The following ATRNL1 variants were observed in gnomAD, a reference collection of about 807,000 sequenced individuals.
The protein encoded by ATRNL1 is attractin-like protein 1.
In ATRNL1, 95 loss-of-function variants were observed where a neutral mutation model predicts 182.7. That is an observed-to-expected ratio of 0.52 (90% CI 0.44 to 0.62). The LOEUF (loss-of-function observed/expected upper bound fraction) is 0.62. ATRNL1 is among the 20% of genes least tolerant of loss of function. The pLI, the probability that ATRNL1 is intolerant of heterozygous loss-of-function variation, is 0.00. For missense variants in ATRNL1, 1,471 were observed against 1,679.5 expected (o/e 0.88, Z 2.17); for synonymous variants, 576 against 568.3 (o/e 1.01, Z -0.19).
intron 26 of ATRNL1, among the ~76,000 whole-genome samples, chr10:115,593,536 C>G (rs1415763644): frequency 2.0e-5 from 3 of 152,216 alleles, no homozygotes; most frequent in Admixed American, 1.3e-4. Context: ...AAACTGTATG[C>G]CCACATGGAG....
chr10:115,767,443 C>T (rs1460323233), intron 27 of ATRNL1, among the ~76,000 whole-genome samples: 2 of 152,116 alleles, frequency 1.3e-5, no homozygotes, highest in Non-Finnish European at 2.9e-5. Context: ...CATACCACAA[C>T]CAGATTAAAG....
In ATRNL1 at chr10:115,921,167, G is replaced by A. The variant is rs557202650; in HGVS notation, c.4019-23491G>A. 3.3e-5 allele frequency among the ~76,000 whole-genome samples: 5 copies of A among 152,236 alleles called. No individual in the cohort carries two copies. The East Asian group carries it at 9.7e-4, about 29-fold the overall frequency. On this transcript the variant is annotated intron_variant, in intron 28 of 28. Coordinates refer to ENST00000355044, the MANE Select transcript of ATRNL1 (RefSeq NM_207303.4). ...ATAATGCTATTATTTAATCAAAAATGTCAAATACCAGCAATCACACCACCT... is the reference window on the plus strand; with the variant it reads ...ATAATGCTATTATTTAATCAAAAATATCAAATACCAGCAATCACACCACCT...
At chr10:115,231,536 G>A (rs1849952568) in intron 9 of ATRNL1, among the ~76,000 whole-genome samples, 2 of 152,110 alleles carry the variant, frequency 1.3e-5, no homozygotes, top group Non-Finnish European at 1.5e-5. Flanking sequence ...ATATTTTTAA[G>A]TTTGGAGAAA....
intron 27 of ATRNL1, among the ~76,000 whole-genome samples, chr10:115,756,680 G>C (rs782653366): frequency 6.6e-6 from 1 of 152,096 alleles, no homozygotes; most frequent in Non-Finnish European, 1.5e-5. Flanking sequence ...TGTTAGGTCT[G>C]CTTGGTCCAG....
chr10:115,438,681 C>G (rs1328162475), intron 21 of ATRNL1, among the ~76,000 whole-genome samples: 10 of 151,828 alleles, frequency 6.6e-5, no homozygotes, highest in Non-Finnish European at 1.5e-4. Flanking sequence ...GGCTGCTAGA[C>G]CAGTATTGAC....
intron 26 of ATRNL1, among the ~76,000 whole-genome samples, chr10:115,709,760 A>G (rs1555054005): frequency 6.6e-6 from 1 of 151,988 alleles, no homozygotes; most frequent in Non-Finnish European, 1.5e-5. Context: ...AATTATCACA[A>G]TGTTGTTATT....
intron 26 of ATRNL1, among the ~76,000 whole-genome samples, chr10:115,683,065 TTAC>T (rs1480801263): frequency 1.3e-5 from 2 of 151,938 alleles, no homozygotes; most frequent in African/African-American, 4.8e-5. Context: ...CATATTAGCA[TTAC>T]TAAAGTGTTT....
intron 26 of ATRNL1, among the ~76,000 whole-genome samples, chr10:115,605,665 T>C (rs1302787638): frequency 6.6e-6 from 1 of 152,006 alleles, no homozygotes; most frequent in Non-Finnish European, 1.5e-5. Context: ...TATTTTATTA[T>C]ACAACAATGA....
chr10:115,298,534 A>G (rs1306193532), intron 15 of ATRNL1, among the ~76,000 whole-genome samples: 1 of 152,116 alleles, frequency 6.6e-6, no homozygotes, highest in Non-Finnish European at 1.5e-5. Context: ...TGTCATGTGA[A>G]ACACAGTTGT....
At position 115,093,773 on chromosome 10, in the gene ATRNL1, G is replaced by A. The variant is rs530044425; in HGVS notation, c.23G>A (p.Arg8His). 2.1e-6 allele frequency: 3 copies of A among 1,421,332 alleles called. No individual in the cohort carries two copies. Among genetic ancestry groups the A allele is most frequent in the African/African-American group, 3.0e-5 (2 of 66,152 alleles). 88.0% of individuals were successfully genotyped at this position (1,421,332 alleles called of 1,614,324 possible). A position where few individuals can be genotyped will look rare whatever the true frequency, so the allele number is the denominator to read the frequency against. The change falls in exon 1 of 29, where the codon CGC becomes CAC. Residue 8 changes from arginine to histidine, a missense_variant. Around this residue, in one of 3 missense-constraint regions of ATRNL1, gnomAD observed 1,031 missense variants for 1,156.0 expected, o/e 0.89. Coordinates refer to ENST00000355044, the MANE Select transcript of ATRNL1 (RefSeq NM_207303.4). This position sits in a 1 kb window ranked among gnomAD's most constrained non-coding sequence, Gnocchi z 6.1. ...AAGATGGAGACTGGGGGCCGGGCCC[G>A]CACTGGTACCCCGCAGCCAGCGGCC... METGGRA[R>H]TGTPQPAAPG...
At chr10:115,392,116 T>A (rs1409526238) in intron 19 of ATRNL1, among the ~76,000 whole-genome samples, 2 of 152,132 alleles carry the variant, frequency 1.3e-5, no homozygotes, top group Non-Finnish European at 2.9e-5. Flanking sequence ...TTAGATAGTT[T>A]AATTATCCCA....
At chr10:115,685,540 C>T (rs960402609) in intron 26 of ATRNL1, among the ~76,000 whole-genome samples, 1 of 151,774 alleles carries the variant, frequency 6.6e-6, no homozygotes, top group Non-Finnish European at 1.5e-5. Context: ...GAGAATCATC[C>T]ATTTAGATAA....
At chr10:115,506,191 T>TGGG (rs1332794660) in intron 24 of ATRNL1, among the ~76,000 whole-genome samples, 3 of 151,986 alleles carry the variant, frequency 2.0e-5, no homozygotes, top group African/African-American at 7.2e-5. Flanking sequence ...GGGGTGGTGG[T>TGGG]GGGGAATTTA....
intron 28 of ATRNL1, among the ~76,000 whole-genome samples, chr10:115,889,507 T>C (rs1952029768): frequency 6.6e-6 from 1 of 152,194 alleles, no homozygotes; most frequent in African/African-American, 2.4e-5. Context: ...AGTCAGTTTT[T>C]GTTATAATAG....
chr10:115,351,523 G>C (rs1554941317), intron 19 of ATRNL1, among the ~76,000 whole-genome samples: 1 of 151,706 alleles, frequency 6.6e-6, no homozygotes, highest in South Asian at 2.1e-4. Context: ...CCTTTATTTT[G>C]TTATATGTTA....
chr10:115,910,040 C>G (rs2134518992), intron 28 of ATRNL1, among the ~76,000 whole-genome samples: 1 of 152,270 alleles, frequency 6.6e-6, no homozygotes, highest in Non-Finnish European at 1.5e-5. Flanking sequence ...ACTCTCACCT[C>G]TGGACAGGGC....
chr10:115,720,036 AT>A (rs542579044), intron 26 of ATRNL1, among the ~76,000 whole-genome samples: 822 of 151,708 alleles, frequency 5.4e-3, no homozygotes, highest in Non-Finnish European at 9.2e-3. Context: ...TATTTTTTGT[AT>A]TTTTTAGTAG....
intron 21 of ATRNL1, among the ~76,000 whole-genome samples, chr10:115,445,276 A>G (rs1231921831): frequency 6.6e-6 from 1 of 150,854 alleles, no homozygotes; most frequent in African/African-American, 2.4e-5. Context: ...TAAAAATACA[A>G]AAACAATTAG....
At chr10:115,817,648 C>CT (rs1555088993) in intron 27 of ATRNL1, among the ~76,000 whole-genome samples, 1 of 151,902 alleles carries the variant, frequency 6.6e-6, no homozygotes, top group Non-Finnish European at 1.5e-5. Context: ...CTTCTTCTAC[C>CT]TTTTTGTTTC....
Sources: gnomAD v4.1 joint callset for allele counts (sites outside exome capture counted in the v4.1 genomes callset) on GRCh38, gnomAD v4.1.1 for gene constraint, gnomAD v4.1.1 regional missense constraint, Gnocchi (gnomAD v3.1) non-coding constraint, MANE v1.5 for transcripts, NCBI Gene and HGNC (gene_info 2026-07-23, HGNC 2026-07-21) for gene names.